ELOC: variants seen among roughly 807,000 people sequenced by gnomAD.
ELOC encodes elongin C.
For missense variants in ELOC, 38 were observed against 139.0 expected (o/e 0.27, Z 3.65); for synonymous variants, 40 against 51.3 (o/e 0.78, Z 0.94).
chr8:73,965,303 A>G, intron 1 of ELOC, among the ~76,000 whole-genome samples: 1 of 152,194 alleles, frequency 6.6e-6, no homozygotes. Flanking sequence ...AGCCACGAGT[A>G]TAGCTAAAAT....
intron 1 of ELOC, among the ~76,000 whole-genome samples, chr8:73,966,601 T>C (rs908450154): frequency 6.6e-6 from 1 of 151,732 alleles, no homozygotes; most frequent in Admixed American, 6.6e-5. Flanking sequence ...TTCTCCCACC[T>C]TCTTCCTGAG....
intron 1 of ELOC, among the ~76,000 whole-genome samples, chr8:73,963,601 G>A (rs1475525868): frequency 6.6e-6 from 1 of 152,202 alleles, no homozygotes; most frequent in Non-Finnish European, 1.5e-5. Context: ...GTAGATAACA[G>A]ACACTGCTGC....
At chr8:73,948,676 C>T (rs1389157461) in intron 3 of ELOC, among the ~76,000 whole-genome samples, 4 of 152,208 alleles carry the variant, frequency 2.6e-5, no homozygotes, top group African/African-American at 4.8e-5. Context: ...CATGGTGGCT[C>T]ATGCCTGTAA....
intron 1 of ELOC, among the ~76,000 whole-genome samples, chr8:73,964,246 C>CAAA (rs560289242): frequency 0.2 from 16,294 of 81,656 alleles, 1,639 homozygotes; most frequent in Middle Eastern, 0.28. Flanking sequence ...TATAAATGGC[C>CAAA]AAAAAAAAAA....
chr8:73,970,222 T>C (rs1052871404), intron 1 of ELOC, among the ~76,000 whole-genome samples: 1 of 152,022 alleles, frequency 6.6e-6, no homozygotes, highest in African/African-American at 2.4e-5. Flanking sequence ...AGCCTGGGAG[T>C]GCAGAACAGA....
rs202043840 is a variant in ELOC at position 73,961,120 on chromosome 8, TAAC to T, written c.-50-1305_-50-1303del. ...TTGAGAAATTATAAATTTGACAAAA[TAAC>T]AAGATGATTGCTAAAGGAAATGGTT... On this transcript the variant is annotated intron_variant, in intron 1 of 3. Coordinates refer to ENST00000520242, the MANE Select transcript of ELOC (RefSeq NM_005648.4). 8.6e-3 allele frequency among the ~76,000 whole-genome samples: 1,304 copies of T among 152,304 alleles called. 10 individuals are homozygous for T. Among genetic ancestry groups the T allele is most frequent in the Non-Finnish European group, 0.014 (963 of 68,010 alleles).
chr8:73,947,302 G>C (rs987953266), intron 3 of ELOC, among the ~76,000 whole-genome samples: 1 of 151,874 alleles, frequency 6.6e-6, no homozygotes. Context: ...TGGTATTCTC[G>C]TAAGAGATCC....
At chr8:73,970,527 G>A (rs1035455085) in intron 1 of ELOC, 1 of 151,956 alleles carries the variant, frequency 6.6e-6, no homozygotes, top group Non-Finnish European at 1.5e-5. Flanking sequence ...ATTAAACAGG[G>A]ACCCCAAATC....
chr8:73,953,169 G>A (rs1813888247), intron 3 of ELOC, among the ~76,000 whole-genome samples: 1 of 152,016 alleles, frequency 6.6e-6, no homozygotes, highest in African/African-American at 2.4e-5. Flanking sequence ...AGTTTGGCAT[G>A]GTGGTGTGCA....
intron 1 of ELOC, among the ~76,000 whole-genome samples, chr8:73,960,316 T>A (rs1329773783): frequency 1.3e-5 from 2 of 152,098 alleles, no homozygotes. Context: ...ATTTGGCTGG[T>A]TTTTGATCCT....
chr8:73,958,022 T>G (rs1165002677), intron 2 of ELOC, among the ~76,000 whole-genome samples: 1 of 151,972 alleles, frequency 6.6e-6, no homozygotes, highest in African/African-American at 2.4e-5. Context: ...GTGATCCACC[T>G]GCCTTGGCCT....
intron 2 of ELOC, among the ~76,000 whole-genome samples, chr8:73,958,696 G>C (rs1021393684): frequency 6.6e-6 from 1 of 152,132 alleles, no homozygotes. Flanking sequence ...AGAAAACATT[G>C]TATGTTTGTC....
At chr8:73,954,797 T>A (rs1416831731) in intron 3 of ELOC, among the ~76,000 whole-genome samples, 1 of 151,834 alleles carries the variant, frequency 6.6e-6, no homozygotes, top group African/African-American at 2.4e-5. Flanking sequence ...TTTGGGAGGC[T>A]GAGGCGGGTG....
chr8:73,962,495 C>A (rs1047100277), intron 1 of ELOC, among the ~76,000 whole-genome samples: 15 of 151,834 alleles, frequency 9.9e-5, no homozygotes, highest in Non-Finnish European at 2.2e-4. Flanking sequence ...TATGATACTA[C>A]GCAATTTAAA....
chr8:73,963,662 GAT>G (rs1399815646), intron 1 of ELOC, among the ~76,000 whole-genome samples: 1 of 151,946 alleles, frequency 6.6e-6, no homozygotes, highest in African/African-American at 2.4e-5. Context: ...TATTTACTTG[GAT>G]AAAATAAGGT....
chr8:73,966,561 G>T (rs1586620119), intron 1 of ELOC, among the ~76,000 whole-genome samples: 1 of 151,166 alleles, frequency 6.6e-6, no homozygotes, highest in Non-Finnish European at 1.5e-5. Flanking sequence ...TCCTGGCTCA[G>T]TGCAGCCTCA....
chr8:73,970,781 G>A (rs541342046), intron 1 of ELOC: 1 of 151,760 alleles, frequency 6.6e-6, no homozygotes, highest in Non-Finnish European at 1.5e-5. Flanking sequence ...AGCTCTTTGG[G>A]AGGTGGAGGC....
At chr8:73,960,888 T>C (rs940131684) in intron 1 of ELOC, among the ~76,000 whole-genome samples, 1 of 152,002 alleles carries the variant, frequency 6.6e-6, no homozygotes, top group African/African-American at 2.4e-5. Flanking sequence ...GAGGCAGGAG[T>C]ACTGCCTGAA....
chr8:73,966,054 T>C (rs1345245311), intron 1 of ELOC, among the ~76,000 whole-genome samples: 3 of 152,108 alleles, frequency 2.0e-5, no homozygotes, highest in African/African-American at 7.2e-5. Flanking sequence ...TCAGACAGCT[T>C]GGGGCACACA....
Sources: gnomAD v4.1 joint callset for allele counts (sites outside exome capture counted in the v4.1 genomes callset) on GRCh38, gnomAD v4.1.1 for gene constraint, MANE v1.5 for transcripts, NCBI Gene and HGNC (gene_info 2026-07-23, HGNC 2026-07-21) for gene names.